Variants in PTPRD observed in about 807,000 individuals in gnomAD.
PTPRD encodes the protein receptor-type tyrosine-protein phosphatase delta.
Under a neutral mutation model 214.5 loss-of-function variants are expected in PTPRD, and 34 were observed. That is an observed-to-expected ratio of 0.16 (90% confidence interval 0.12 to 0.21). PTPRD has a LOEUF of 0.21. Ranked by LOEUF, PTPRD falls within the 10% of genes least tolerant of loss-of-function variation. The pLI is 1.00. For synonymous variants in PTPRD, 1,128 were observed against 845.7 expected (o/e 1.33, Z -5.79); for missense variants, 2,545 against 2,398.7 (o/e 1.06, Z -1.27).
At chr9:9,520,321 AAATT>A (rs2096938383) in intron 8 of PTPRD, among the ~76,000 whole-genome samples, 1 of 148,238 alleles carries the variant, frequency 6.7e-6, no homozygotes, top group African/African-American at 2.5e-5. Context: ...ATATATAAGA[AAATT>A]AATAATATCT....
chr9:9,725,833 C>T (rs370277383), intron 7 of PTPRD, among the ~76,000 whole-genome samples: 1 of 152,054 alleles, frequency 6.6e-6, no homozygotes, highest in Non-Finnish European at 1.5e-5. Flanking sequence ...ATTCTTCTTT[C>T]AAGATAGCCC....
At chr9:10,514,901 C>T (rs1224607363) in intron 2 of PTPRD, among the ~76,000 whole-genome samples, 1 of 151,872 alleles carries the variant, frequency 6.6e-6, no homozygotes, top group Non-Finnish European at 1.5e-5. Flanking sequence ...TTTAAAAATG[C>T]AAATGCTTCT....
At chr9:9,050,826 A>G (rs748633649) in intron 10 of PTPRD, among the ~76,000 whole-genome samples, 16 of 152,114 alleles carry the variant, frequency 1.1e-4, no homozygotes, top group Non-Finnish European at 1.0e-4. Flanking sequence ...ATTATTGTTA[A>G]TCTCTTACTG....
chr9:9,493,796 A>T (rs2096038212), intron 8 of PTPRD, among the ~76,000 whole-genome samples: 1 of 150,666 alleles, frequency 6.6e-6, no homozygotes, highest in African/African-American at 2.4e-5. Flanking sequence ...TCAAAAAAAA[A>T]AAAAAAAAAA....
intron 14 of PTPRD, among the ~76,000 whole-genome samples, chr9:8,594,143 G>A (rs1054755488): frequency 4.6e-5 from 7 of 152,124 alleles, no homozygotes; most frequent in African/African-American, 1.7e-4. Context: ...GGTTTGACAT[G>A]TGAAATCACA....
rs11560545 is a variant in PTPRD, at chr9:8,328,381, G to T, written c.5534+3201C>A. On this transcript the variant is annotated intron_variant, in intron 44 of 45. Transcript: ENST00000381196. ...CTGGCTTGTAGGGTTGCTGTCGAGA[G>T]ACCTGCTGTTAGTCTGATGTGCTTC... Among the ~76,000 whole-genome samples, 158 of 152,246 alleles carry T rather than the reference G, an allele frequency of 1.0e-3. 1 individual carries two copies. The highest frequency in any genetic ancestry group is 3.7e-3 in the African/African-American group (155 of 41,518).
chr9:9,682,906 T>C (rs2097101473), intron 7 of PTPRD, among the ~76,000 whole-genome samples: 1 of 151,736 alleles, frequency 6.6e-6, no homozygotes. Flanking sequence ...GGGTCTCTAA[T>C]AAGGTGGTGA....
At chr9:9,030,745 T>A (rs902047643) in intron 10 of PTPRD, among the ~76,000 whole-genome samples, 5 of 151,984 alleles carry the variant, frequency 3.3e-5, no homozygotes, top group African/African-American at 1.2e-4. Flanking sequence ...GGAATCCACC[T>A]TTATTAATTC....
At chr9:9,845,415 G>A (rs139258326) in intron 5 of PTPRD, among the ~76,000 whole-genome samples, 7 of 151,838 alleles carry the variant, frequency 4.6e-5, no homozygotes, top group African/African-American at 1.7e-4. Flanking sequence ...CCAGGGCATA[G>A]ATTAGACCTA....
chr9:10,475,326 T>C (rs775234741), intron 2 of PTPRD, among the ~76,000 whole-genome samples: 19 of 151,908 alleles, frequency 1.3e-4, no homozygotes, highest in Non-Finnish European at 2.6e-4. Context: ...TCCACAGAAA[T>C]AGAAACTACC....
At chr9:8,740,464 C>G (rs111520948) in intron 11 of PTPRD, among the ~76,000 whole-genome samples, 83 of 152,236 alleles carry the variant, frequency 5.5e-4, no homozygotes, top group African/African-American at 1.9e-3. Context: ...ATACGGGAAA[C>G]ACATTCTTAA....
chr9:8,669,399 C>T lies in PTPRD; in HGVS notation c.65-32555G>A, dbSNP rs376955681. On this transcript the variant is annotated intron_variant, in intron 12 of 45. Coordinates refer to ENST00000381196, the MANE Select transcript of PTPRD (RefSeq NM_002839.4). ...TATAGAGATTTCTGAGGGTATAAGACCCAATATGCAGTCCATACCAGAAAG... is the reference window on the plus strand; with the variant it reads ...TATAGAGATTTCTGAGGGTATAAGATCCAATATGCAGTCCATACCAGAAAG... 3.5e-4 allele frequency among the ~76,000 whole-genome samples: 53 copies of T among 152,212 alleles called. No individual in the cohort carries two copies. The South Asian group carries it at 0.01, about 29-fold the overall frequency.
intron 11 of PTPRD, among the ~76,000 whole-genome samples, chr9:8,740,159 G>A (rs937298883): frequency 5.3e-5 from 8 of 152,184 alleles, no homozygotes; most frequent in South Asian, 4.1e-4. Context: ...CCCTGAACAC[G>A]CCCAATCTCA....
At chr9:8,327,324 T>C (rs1253714074) in intron 44 of PTPRD, among the ~76,000 whole-genome samples, 3 of 145,382 alleles carry the variant, frequency 2.1e-5, no homozygotes, top group Non-Finnish European at 3.0e-5. Context: ...TCAGCTTCCA[T>C]GTAGTTGTGT....
chr9:9,086,261 T>G (rs2154427571), intron 10 of PTPRD, among the ~76,000 whole-genome samples: 1 of 152,324 alleles, frequency 6.6e-6, no homozygotes, highest in African/African-American at 2.4e-5. Context: ...TCATTGAGAC[T>G]AATTCACTGA....
intron 8 of PTPRD, among the ~76,000 whole-genome samples, chr9:9,522,389 A>C (rs1313138872): frequency 6.6e-6 from 1 of 152,132 alleles, no homozygotes; most frequent in Non-Finnish European, 1.5e-5. Flanking sequence ...TCTAAAGGGA[A>C]CTATCTGGAC....
intron 3 of PTPRD, among the ~76,000 whole-genome samples, chr9:10,168,632 A>C (rs568994986): frequency 2.0e-5 from 3 of 152,238 alleles, no homozygotes; most frequent in Non-Finnish European, 2.9e-5. Flanking sequence ...AAATGTTTTA[A>C]TCTTTCATTT....
chr9:9,859,425 G>C (rs1426629701), intron 5 of PTPRD, among the ~76,000 whole-genome samples: 1 of 152,110 alleles, frequency 6.6e-6, no homozygotes, highest in Non-Finnish European at 1.5e-5. Context: ...CCAATAATTT[G>C]TCTTAGCTTT....
At chr9:8,675,160 G>C (rs1340573832) in intron 12 of PTPRD, among the ~76,000 whole-genome samples, 1 of 152,070 alleles carries the variant, frequency 6.6e-6, no homozygotes, top group Non-Finnish European at 1.5e-5. Flanking sequence ...ACATGCTTGA[G>C]ATCCGCAGTT....
Sources: gnomAD v4.1 joint callset for allele counts (sites outside exome capture counted in the v4.1 genomes callset) on GRCh38, gnomAD v4.1.1 for gene constraint, MANE v1.5 for transcripts, NCBI Gene and HGNC (gene_info 2026-07-23, HGNC 2026-07-21) for gene names.